SYT14: variants seen among roughly 807,000 people sequenced by gnomAD.
The protein encoded by SYT14 is synaptotagmin-14.
Under a neutral mutation model 74.2 loss-of-function variants are expected in SYT14, and 32 were observed. The ratio of observed to expected loss-of-function variants is 0.43; its 90% CI spans 0.33 to 0.58. The LOEUF (loss-of-function observed/expected upper bound fraction) is 0.58. SYT14 is among the 20% of genes least tolerant of loss of function. The pLI is 0.05. For synonymous variants in SYT14, 298 were observed against 337.7 expected (o/e 0.88, Z 1.29); for missense variants, 791 against 981.8 (o/e 0.81, Z 2.60).
intron 5 of SYT14, among the ~76,000 whole-genome samples, chr1:210,064,438 C>T (rs2081261371): frequency 6.6e-6 from 1 of 151,926 alleles, no homozygotes; most frequent in Non-Finnish European, 1.5e-5. Flanking sequence ...TCCTCTACCC[C>T]TTAGTCCTTG....
chr1:210,141,520 G>A (rs2082913947), intron 7 of SYT14, among the ~76,000 whole-genome samples: 1 of 152,146 alleles, frequency 6.6e-6, no homozygotes, highest in Non-Finnish European at 1.5e-5. Flanking sequence ...CAATCTGAAT[G>A]CCTTGACAAA....
At chr1:209,966,810 TTTC>T (rs1321028267) in intron 2 of SYT14, among the ~76,000 whole-genome samples, 3 of 152,204 alleles carry the variant, frequency 2.0e-5, no homozygotes, top group Non-Finnish European at 1.5e-5. Flanking sequence ...CTGGATGCCT[TTTC>T]TTTCTTTTTC....
exon 10 of SYT14, chr1:210,166,880 TTAAGAC>T (rs1308056018): frequency 1.3e-5 from 2 of 152,160 alleles, no homozygotes; most frequent in African/African-American, 4.8e-5. Context: ...AATACAGAGA[TTAAGAC>T]TAGGATTAAT....
intron 2 of SYT14, among the ~76,000 whole-genome samples, chr1:210,010,169 A>G (rs1411187963): frequency 3.9e-5 from 6 of 152,146 alleles, no homozygotes; most frequent in Non-Finnish European, 1.5e-5. Flanking sequence ...CAAACTTGTA[A>G]TCATGTTACT....
At chr1:210,022,405 A>T (rs1017036458) in intron 5 of SYT14, among the ~76,000 whole-genome samples, 1 of 152,230 alleles carries the variant, frequency 6.6e-6, no homozygotes, top group Non-Finnish European at 1.5e-5. Flanking sequence ...CCTCAAAAAT[A>T]CATTTTAGTA....
At chr1:209,975,001 C>T (rs11119377) in intron 2 of SYT14, among the ~76,000 whole-genome samples, 7,636 of 152,000 alleles carry the variant, frequency 0.05, 1,028 homozygotes, top group East Asian at 0.41. Context: ...ACTCATGATT[C>T]GGCTCTCTGT....
At chr1:210,100,508 T>C in intron 7 of SYT14, 47 bp downstream of exon 6, 1 of 1,567,206 alleles carries the variant, frequency 6.4e-7, no homozygotes, top group South Asian at 1.1e-5. Context: ...GTTCATGGTT[T>C]ATAGTATGCA....
Position 210,081,556 on chromosome 1 carries a change from C to G in SYT14, c.1313-12766C>G, listed in dbSNP as rs553765424. On this transcript the variant is annotated intron_variant, in intron 5 of 9. Transcript: ENST00000637265. ...TACTTCATTGCTAGAAAAATGAGCACATGCTGTTGGGAAAATGGCACTAGT... is the reference window on the plus strand; with the variant it reads ...TACTTCATTGCTAGAAAAATGAGCAGATGCTGTTGGGAAAATGGCACTAGT... Among the ~76,000 whole-genome samples, 14 of 152,294 alleles carry G rather than the reference C, an allele frequency of 9.2e-5. No individual in the cohort carries two copies. In the East Asian group the frequency reaches 2.5e-3, roughly 27 times the overall value.
At chr1:210,095,298 CAG>C (rs1244076361) in intron 6 of SYT14, among the ~76,000 whole-genome samples, 2 of 152,270 alleles carry the variant, frequency 1.3e-5, no homozygotes, top group African/African-American at 2.4e-5. Flanking sequence ...TGTTTTGAGA[CAG>C]AGTCTGTCTC....
At chr1:210,054,903 T>C (rs1178198261) in intron 5 of SYT14, among the ~76,000 whole-genome samples, 3 of 152,200 alleles carry the variant, frequency 2.0e-5, no homozygotes, top group African/African-American at 7.2e-5. Flanking sequence ...CCCTGTTTCC[T>C]CTTATGCCTG....
chr1:210,130,002 C>A (rs1295936653), intron 7 of SYT14, among the ~76,000 whole-genome samples: 2 of 152,198 alleles, frequency 1.3e-5, no homozygotes, highest in Non-Finnish European at 2.9e-5. Context: ...TCTTCACTGT[C>A]ATTTTCTGGA....
intron 7 of SYT14, among the ~76,000 whole-genome samples, chr1:210,101,702 A>AT (rs1335446274): frequency 6.6e-6 from 1 of 151,978 alleles, no homozygotes; most frequent in Non-Finnish European, 1.5e-5. Flanking sequence ...AGGGGGGAAG[A>AT]ACGAATTTTT....
At chr1:210,065,888 C>T (rs1035930870) in intron 5 of SYT14, among the ~76,000 whole-genome samples, 2 of 151,058 alleles carry the variant, frequency 1.3e-5, no homozygotes, top group Non-Finnish European at 2.9e-5. Flanking sequence ...CCCCCCACCC[C>T]ACAACAGTCC....
chr1:210,023,351 C>CA (rs2080341669), intron 5 of SYT14, among the ~76,000 whole-genome samples: 1 of 152,028 alleles, frequency 6.6e-6, no homozygotes, highest in Non-Finnish European at 1.5e-5. Context: ...TAAAAAAAGA[C>CA]AAACTTTCTT....
intron 8 of SYT14, among the ~76,000 whole-genome samples, chr1:210,156,509 TA>T (rs2083269724): frequency 6.6e-6 from 1 of 152,074 alleles, no homozygotes; most frequent in East Asian, 1.9e-4. Context: ...GAAAGCTAGA[TA>T]GCATACCTCT....
At chr1:210,127,602 AT>A (rs2082592765) in intron 7 of SYT14, among the ~76,000 whole-genome samples, 1 of 152,238 alleles carries the variant, frequency 6.6e-6, no homozygotes, top group African/African-American at 2.4e-5. Flanking sequence ...ACAACCAGGA[AT>A]TTTGGTAGCG....
chr1:210,128,369 C>T (rs2082610216), intron 7 of SYT14, among the ~76,000 whole-genome samples: 1 of 149,896 alleles, frequency 6.7e-6, no homozygotes, highest in Non-Finnish European at 1.5e-5. Context: ...AGAGCGAGAC[C>T]CTGTCTCAAA....
chr1:209,975,689 G>A (rs2079348902), intron 2 of SYT14, among the ~76,000 whole-genome samples: 1 of 152,184 alleles, frequency 6.6e-6, no homozygotes, highest in African/African-American at 2.4e-5. Context: ...TCTCTGCCAG[G>A]CTTTGGTATC....
chr1:209,950,477 C>G (rs1312300010), intron 1 of SYT14, among the ~76,000 whole-genome samples: 1 of 152,078 alleles, frequency 6.6e-6, no homozygotes, highest in Admixed American at 6.6e-5. Context: ...GGGTAATACT[C>G]CAGTTAGCAC....
Sources: allele counts gnomAD v4.1 joint callset (sites outside exome capture counted in the v4.1 genomes callset), GRCh38; gene constraint gnomAD v4.1.1; transcripts MANE v1.5; gene names NCBI Gene and HGNC (gene_info 2026-07-23, HGNC 2026-07-21).